TSPAN13: variants seen among roughly 807,000 people sequenced by gnomAD.
The protein encoded by TSPAN13 is tetraspanin 13.
TSPAN13 carries 18 observed loss-of-function variants against 26.9 expected under a neutral mutation model. That is an observed-to-expected ratio of 0.67 (90% CI 0.46 to 0.99). The LOEUF (loss-of-function observed/expected upper bound fraction) is 0.99. Among genes scored for constraint, TSPAN13 ranks in the 50% least tolerant of loss-of-function variants. The pLI is 0.00. For missense variants in TSPAN13, 201 were observed against 249.6 expected, an observed-to-expected ratio of 0.81 and a Z score of 1.31; for synonymous variants, 116 against 98.4, an observed-to-expected ratio of 1.18 and a Z score of -1.06.
chr7:16,783,411 T>C lies in TSPAN13; in HGVS notation c.541-6T>C. On this transcript the variant is annotated splice_region_variant and splice_polypyrimidine_tract_variant and intron_variant, in intron 5 of 5. Coordinates refer to ENST00000262067, the MANE Select transcript of TSPAN13 (RefSeq NM_014399.4). Reference sequence around the variant, plus strand: ...TCTTTACTTTATTTTTTTTTCCCCATTCCAGATCCTGGGTGTTTGGCTGAC... The same window carrying C: ...TCTTTACTTTATTTTTTTTTCCCCACTCCAGATCCTGGGTGTTTGGCTGAC... 6.2e-7 allele frequency: 1 copy of C among 1,613,056 alleles called. No individual in the cohort carries two copies. The highest frequency in any genetic ancestry group is 8.5e-7 in the Non-Finnish European group (1 of 1,179,296).
chr7:16,763,071 T>C (rs1784564490), intron 1 of TSPAN13, among the ~76,000 whole-genome samples: 1 of 152,262 alleles, frequency 6.6e-6, no homozygotes, highest in African/African-American at 2.4e-5. Flanking sequence ...ATGGACCTGC[T>C]CAGCGGTAAA....
chr7:16,762,013 A>T (rs929148732), intron 1 of TSPAN13, among the ~76,000 whole-genome samples: 4 of 152,126 alleles, frequency 2.6e-5, no homozygotes, highest in Non-Finnish European at 5.9e-5. Context: ...TCTTTTTGAA[A>T]TGTTTTAAAT....
chr7:16,756,043 GC>G (rs1279927353), intron 1 of TSPAN13, among the ~76,000 whole-genome samples: 3 of 152,140 alleles, frequency 2.0e-5, no homozygotes, highest in Non-Finnish European at 4.4e-5. Context: ...TGAATTAGTG[GC>G]TGCTTGCTTC....
rs545558271 is a variant in TSPAN13, at chr7:16,753,820, C to T, written c.-148C>T. 3 of 733,214 alleles carry T rather than the reference C, an allele frequency of 4.1e-6. No individual in the cohort carries two copies. Among genetic ancestry groups the T allele is most frequent in the East Asian group, 6.7e-5 (2 of 29,938 alleles). 45.4% of individuals were successfully genotyped at this position (733,214 alleles called of 1,614,324 possible). A position where few individuals can be genotyped will look rare whatever the true frequency, so the allele number is the denominator to read the frequency against. Reference sequence around the variant, plus strand: ...GAGCCGCCGCCGCGCGCGCGCCGCGCACTGCAGCCCCAGGCCCCGGCCCCC... The same window carrying T: ...GAGCCGCCGCCGCGCGCGCGCCGCGTACTGCAGCCCCAGGCCCCGGCCCCC... On this transcript the variant is annotated 5_prime_UTR_variant, in exon 1 of 6. Coordinates refer to ENST00000262067, the MANE Select transcript of TSPAN13 (RefSeq NM_014399.4).
At chr7:16,764,531 A>G (rs939968273) in intron 1 of TSPAN13, among the ~76,000 whole-genome samples, 10 of 152,074 alleles carry the variant, frequency 6.6e-5, no homozygotes, top group Non-Finnish European at 1.0e-4. Context: ...GTATGTGACA[A>G]AATTTCTGAA....
chr7:16,780,363 G>A (rs1184923529), intron 5 of TSPAN13, among the ~76,000 whole-genome samples: 2 of 152,142 alleles, frequency 1.3e-5, no homozygotes, highest in South Asian at 2.1e-4. Flanking sequence ...ACCTCACAAA[G>A]TGCTGGGGTT....
chr7:16,769,536 T>TTG (rs1456437202), intron 1 of TSPAN13, among the ~76,000 whole-genome samples: 1 of 135,334 alleles, frequency 7.4e-6, no homozygotes, highest in Non-Finnish European at 1.7e-5. Context: ...ATCTTATATT[T>TTG]TGGGGGTATA....
intron 1 of TSPAN13, among the ~76,000 whole-genome samples, chr7:16,759,130 G>C (rs893728154): frequency 6.6e-6 from 1 of 152,158 alleles, no homozygotes; most frequent in African/African-American, 2.4e-5. Context: ...GGATGTGGGA[G>C]GATGGGTACA....
rs1784745887 is a variant in TSPAN13 at position 16,776,380 on chromosome 7, T to G, written c.231+2T>G. The G allele has an allele frequency of 1.9e-6, 3 of 1,609,150 alleles. No individual in the cohort carries two copies. The East Asian group carries it at 6.7e-5, about 36-fold the overall frequency. On this transcript the variant is annotated splice_donor_variant, in intron 2 of 5. Transcript: ENST00000262067. LOFTEE classifies it high-confidence loss of function. Reference sequence around the variant, plus strand: ...CATCATCAGGTGTTGCTATTTTTTGTATCCTTTTTAAAAATCAAGATTTTA... The same window carrying G: ...CATCATCAGGTGTTGCTATTTTTTGGATCCTTTTTAAAAATCAAGATTTTA...
At chr7:16,775,479 G>C (rs1784730902) in intron 1 of TSPAN13, among the ~76,000 whole-genome samples, 1 of 152,170 alleles carries the variant, frequency 6.6e-6, no homozygotes, top group Non-Finnish European at 1.5e-5. Context: ...AAGTTTTAAT[G>C]ATCTCTCTAT....
chr7:16,769,926 T>G (rs557642207), intron 1 of TSPAN13, among the ~76,000 whole-genome samples: 3 of 152,258 alleles, frequency 2.0e-5, no homozygotes, highest in Non-Finnish European at 2.9e-5. Context: ...GATTTTTGCT[T>G]TGGCTTTTTG....
At chr7:16,781,347 C>G (rs1331086564) in intron 5 of TSPAN13, among the ~76,000 whole-genome samples, 1 of 152,106 alleles carries the variant, frequency 6.6e-6, no homozygotes, top group Admixed American at 6.5e-5. Flanking sequence ...CATACATTTT[C>G]ATGTTATGAG....
chr7:16,759,796 C>A lies in TSPAN13; in HGVS notation c.63+5766C>A, dbSNP rs1441433762. On this transcript the variant is annotated intron_variant, in intron 1 of 5. Transcript: ENST00000262067. ...AGCTGTCTCCTGGGCTCAAGTGATC[C>A]TCCCACATCAGCCTACCTAGTAGCT... Among the ~76,000 whole-genome samples, 3 of 151,736 alleles carry A rather than the reference C, an allele frequency of 2.0e-5. No homozygotes were observed. In the East Asian group the frequency reaches 5.9e-4, roughly 30 times the overall value.
chr7:16,758,825 A>AT (rs1784511280), intron 1 of TSPAN13, among the ~76,000 whole-genome samples: 1 of 151,914 alleles, frequency 6.6e-6, no homozygotes, highest in Non-Finnish European at 1.5e-5. Flanking sequence ...TCTTGAATGA[A>AT]TCTACTTCCT....
Position 16,777,838 on chromosome 7 carries a change from C to G in TSPAN13, c.353C>G (p.Ala118Gly), listed in dbSNP as rs774634032. 6.2e-7 allele frequency: 1 copy of G among 1,613,894 alleles called. No individual in the cohort carries two copies. Among genetic ancestry groups the G allele is most frequent in the Admixed American group, 1.7e-5 (1 of 60,010 alleles). Reference sequence around the variant, plus strand: ...GTTGGTTGGAACAATACGGCAAGTGCTCGAAATGACATCCAGAGAAATCTA... The same window carrying G: ...GTTGGTTGGAACAATACGGCAAGTGGTCGAAATGACATCCAGAGAAATCTA... ...LEVGWNNTASARNDIQRNLNC... is the reference protein window; with the variant it reads ...LEVGWNNTASGRNDIQRNLNC... Residue 118 changes from alanine to glycine, a missense_variant, in exon 4 of 6, where the codon GCT becomes GGT. Physicochemically the swap from Ala to Gly is moderately conservative, Grantham distance 60 (BLOSUM62 0). Coordinates refer to ENST00000262067, the MANE Select transcript of TSPAN13 (RefSeq NM_014399.4).
intron 1 of TSPAN13, among the ~76,000 whole-genome samples, chr7:16,759,337 T>C (rs761549394): frequency 6.6e-6 from 1 of 152,156 alleles, no homozygotes; most frequent in Non-Finnish European, 1.5e-5. Flanking sequence ...CTTACAATCA[T>C]GGCAGAAGGG....
intron 1 of TSPAN13, among the ~76,000 whole-genome samples, chr7:16,775,193 A>T (rs140086955): frequency 6.6e-6 from 1 of 152,294 alleles, no homozygotes; most frequent in Non-Finnish European, 1.5e-5. Context: ...CTGTTCAACA[A>T]CCTGTCCCCC....
At chr7:16,755,745 C>A (rs818804) in intron 1 of TSPAN13, among the ~76,000 whole-genome samples, 65,088 of 151,714 alleles carry the variant, frequency 0.43, 14,722 homozygotes, top group African/African-American at 0.55. Context: ...AATGTATAAT[C>A]TTTTTTAAAA....
intron 1 of TSPAN13, among the ~76,000 whole-genome samples, chr7:16,759,138 A>G (rs1784514350): frequency 6.6e-6 from 1 of 152,194 alleles, no homozygotes; most frequent in African/African-American, 2.4e-5. Flanking sequence ...GAGGATGGGT[A>G]CACAGCTTCA....
Sources: allele counts gnomAD v4.1 joint callset (sites outside exome capture counted in the v4.1 genomes callset), GRCh38; gene constraint gnomAD v4.1.1; transcripts MANE v1.5; gene names NCBI Gene and HGNC (gene_info 2026-07-23, HGNC 2026-07-21).